The following IMMP2L variants were observed in gnomAD, a reference collection of about 807,000 sequenced individuals.
The protein encoded by IMMP2L is inner mitochondrial membrane peptidase subunit 2.
A neutral mutation model predicts 19.3 loss-of-function variants in IMMP2L; 18 were observed. The observed-to-expected ratio is 0.93, with a 90% CI of 0.64 to 1.38. The LOEUF (loss-of-function observed/expected upper bound fraction) is 1.38, where lower values mean the gene tolerates loss of function less well. Among genes scored for constraint, IMMP2L ranks in the 40% most tolerant of loss-of-function variants. The pLI is 0.00. For synonymous variants in IMMP2L, 76 were observed against 73.0 expected, an observed-to-expected ratio of 1.04 and a Z score of -0.21; for missense variants, 233 against 218.2, an observed-to-expected ratio of 1.07 and a Z score of -0.43.
intron 3 of IMMP2L, among the ~76,000 whole-genome samples, chr7:111,188,661 G>C (rs1242980644): frequency 6.6e-6 from 1 of 152,028 alleles, no homozygotes; most frequent in East Asian, 1.9e-4. Flanking sequence ...AATTTGTTTT[G>C]TCCTGGGAGG....
chr7:111,282,729 G>T (rs865970745), intron 3 of IMMP2L, among the ~76,000 whole-genome samples: 1 of 152,008 alleles, frequency 6.6e-6, no homozygotes, highest in Non-Finnish European at 1.5e-5. Flanking sequence ...GACCACAGGC[G>T]TGAGCCACAA....
intron 4 of IMMP2L, among the ~76,000 whole-genome samples, chr7:110,928,092 A>G (rs988166393): frequency 2.6e-5 from 4 of 152,242 alleles, no homozygotes; most frequent in Admixed American, 2.6e-4. Context: ...GAACTACCAG[A>G]ACGAATGAAG....
At chr7:111,561,414 G>A (rs562652681) in intron 1 of IMMP2L, among the ~76,000 whole-genome samples, 5 of 152,100 alleles carry the variant, frequency 3.3e-5, no homozygotes, top group Non-Finnish European at 7.4e-5. Flanking sequence ...GATTTTTTCA[G>A]GAGTACCCTT....
At chr7:110,911,452 T>C (rs1813047540) in intron 4 of IMMP2L, among the ~76,000 whole-genome samples, 2 of 152,188 alleles carry the variant, frequency 1.3e-5, no homozygotes, top group Non-Finnish European at 2.9e-5. Flanking sequence ...AATTATTCTA[T>C]CTTCATGAAC....
intron 3 of IMMP2L, among the ~76,000 whole-genome samples, chr7:111,110,813 T>C (rs1799108359): frequency 6.6e-6 from 1 of 152,190 alleles, no homozygotes; most frequent in African/African-American, 2.4e-5. Context: ...TCTTGGCATA[T>C]TGGAACAGTA....
chr7:110,994,210 G>T (rs747314944), intron 3 of IMMP2L, among the ~76,000 whole-genome samples: 4 of 151,422 alleles, frequency 2.6e-5, no homozygotes, highest in Non-Finnish European at 4.4e-5. Context: ...CTCTGCTTAG[G>T]CCCAAACCTG....
intron 3 of IMMP2L, chr7:111,122,728 T>C (rs1232916425): frequency 3.4e-6 from 5 of 1,475,746 alleles, no homozygotes; most frequent in Non-Finnish European, 4.7e-6. Context: ...GCACTGACTG[T>C]GGAATCCTTA....
intron 3 of IMMP2L, among the ~76,000 whole-genome samples, chr7:111,037,879 CTGTT>C (rs1021613023): frequency 1.3e-5 from 2 of 152,048 alleles, no homozygotes; most frequent in Non-Finnish European, 2.9e-5. Flanking sequence ...GTTCACATAT[CTGTT>C]TGTAGATGAC....
intron 3 of IMMP2L, among the ~76,000 whole-genome samples, chr7:111,335,707 G>A (rs1490972701): frequency 6.6e-6 from 1 of 152,098 alleles, no homozygotes; most frequent in Non-Finnish European, 1.5e-5. Context: ...ATGAGTTTGA[G>A]CTACATAAAC....
chr7:111,236,741 T>C (rs1814368232), intron 3 of IMMP2L, among the ~76,000 whole-genome samples: 1 of 152,110 alleles, frequency 6.6e-6, no homozygotes, highest in Non-Finnish European at 1.5e-5. Context: ...AACCCTAGAC[T>C]ACCAACATTC....
At chr7:110,925,844 TAGG>T (rs1262762944) in intron 4 of IMMP2L, among the ~76,000 whole-genome samples, 2 of 151,892 alleles carry the variant, frequency 1.3e-5, no homozygotes, top group African/African-American at 2.4e-5. Context: ...AAGGCAAAAA[TAGG>T]AGGATATAAT....
intron 5 of IMMP2L, among the ~76,000 whole-genome samples, chr7:110,673,633 C>G (rs921037952): frequency 4.6e-5 from 7 of 152,190 alleles, no homozygotes; most frequent in Non-Finnish European, 1.0e-4. Context: ...ATCTCTCTCA[C>G]GTTTAAAGTT....
chr7:111,068,860 C>T (rs1489105198), intron 3 of IMMP2L, among the ~76,000 whole-genome samples: 3 of 152,146 alleles, frequency 2.0e-5, no homozygotes, highest in Non-Finnish European at 2.9e-5. Flanking sequence ...AAGCCTAACT[C>T]AAATCCCATT....
At chr7:111,258,148 C>A (rs560395593) in intron 3 of IMMP2L, among the ~76,000 whole-genome samples, 1 of 152,274 alleles carries the variant, frequency 6.6e-6, no homozygotes, top group African/African-American at 2.4e-5. Flanking sequence ...TAAAGAAACT[C>A]TTGAAACATC....
intron 1 of IMMP2L, among the ~76,000 whole-genome samples, chr7:111,531,941 T>C (rs556236960): frequency 6.6e-6 from 1 of 152,162 alleles, no homozygotes; most frequent in East Asian, 1.9e-4. Flanking sequence ...TTATTTGGCA[T>C]TTGGGCTGTG....
chr7:111,475,448 C>T, intron 3 of IMMP2L, among the ~76,000 whole-genome samples: 1 of 151,848 alleles, frequency 6.6e-6, no homozygotes, highest in Non-Finnish European at 1.5e-5. Flanking sequence ...TGAAAGGTAT[C>T]TACTGACCTT....
chr7:111,004,396 C>G lies in IMMP2L; in HGVS notation c.240-40831G>C, dbSNP rs187861801. On this transcript the variant is annotated intron_variant, in intron 3 of 5. Coordinates refer to ENST00000405709, the MANE Select transcript of IMMP2L (RefSeq NM_032549.4). ...CCCAGGCTGGTCTGAAACTCCTGGA[C>G]TCAAATGATCCTTCTGTCTTGGCCT... Among the ~76,000 whole-genome samples the G allele has an allele frequency of 2.0e-5, 3 of 152,164 alleles. No homozygotes were observed. The East Asian group carries it at 5.8e-4, about 29-fold the overall frequency.
intron 3 of IMMP2L, among the ~76,000 whole-genome samples, chr7:111,314,451 T>C (rs1823839333): frequency 6.6e-6 from 1 of 152,142 alleles, no homozygotes; most frequent in Admixed American, 6.6e-5. Flanking sequence ...ATACAATTGA[T>C]TGAATGATGT....
At chr7:110,743,177 G>T (rs905106425) in intron 5 of IMMP2L, among the ~76,000 whole-genome samples, 1 of 152,126 alleles carries the variant, frequency 6.6e-6, no homozygotes, top group East Asian at 1.9e-4. Flanking sequence ...TAGTTTTATA[G>T]GTCTAGTGTT....
Sources: gnomAD v4.1 joint callset for allele counts (sites outside exome capture counted in the v4.1 genomes callset) on GRCh38, gnomAD v4.1.1 for gene constraint, MANE v1.5 for transcripts, NCBI Gene and HGNC (gene_info 2026-07-23, HGNC 2026-07-21) for gene names.